The following STK3 variants were observed in gnomAD, a reference collection of about 807,000 sequenced individuals.
STK3 encodes serine/threonine kinase 3.
In STK3, 41 loss-of-function variants were observed where a neutral mutation model predicts 58.0. That is an observed-to-expected ratio of 0.71 (90% confidence interval 0.55 to 0.92). STK3 has a LOEUF of 0.92. Ranked by LOEUF, STK3 falls within the 40% of genes least tolerant of loss-of-function variation. The pLI is 0.00. For synonymous variants in STK3, 170 were observed against 191.0 expected (o/e 0.89, Z 0.91); for missense variants, 479 against 602.7 (o/e 0.79, Z 2.15).
intron 10 of STK3, among the ~76,000 whole-genome samples, chr8:98,503,469 C>T (rs1036903532): frequency 5.9e-5 from 9 of 152,022 alleles, no homozygotes; most frequent in African/African-American, 1.7e-4. Flanking sequence ...GCTCTTGCTT[C>T]TCTAGTTCTT....
chr8:98,890,256 T>C (rs1258333303), intron 1 of STK3, among the ~76,000 whole-genome samples: 1 of 152,300 alleles, frequency 6.6e-6, no homozygotes, highest in East Asian at 1.9e-4. Context: ...TTCTGATTCA[T>C]CCCAATTTCT....
chr8:98,549,057 C>G (rs1292082692), intron 8 of STK3, among the ~76,000 whole-genome samples: 1 of 152,136 alleles, frequency 6.6e-6, no homozygotes. Context: ...GTGAATAGTG[C>G]TAATGTGAAC....
At chr8:98,696,558 T>A in intron 6 of STK3, among the ~76,000 whole-genome samples, 1 of 152,344 alleles carries the variant, frequency 6.6e-6, no homozygotes, top group African/African-American at 2.4e-5. Context: ...GGAGAGTTTT[T>A]AGCATGAAGC....
chr8:98,663,350 T>C (rs964931235), intron 6 of STK3, among the ~76,000 whole-genome samples: 2 of 152,078 alleles, frequency 1.3e-5, no homozygotes, highest in African/African-American at 4.8e-5. Flanking sequence ...AGAATGGCAA[T>C]CATTAAAAAG....
At chr8:98,670,006 T>C (rs1188988605) in intron 6 of STK3, among the ~76,000 whole-genome samples, 1 of 152,220 alleles carries the variant, frequency 6.6e-6, no homozygotes, top group African/African-American at 2.4e-5. Flanking sequence ...TTAGATAACT[T>C]TTCAACCCTT....
chr8:98,859,383 C>T (rs1468027716), intron 3 of STK3, among the ~76,000 whole-genome samples: 1 of 152,140 alleles, frequency 6.6e-6, no homozygotes, highest in Non-Finnish European at 1.5e-5. Flanking sequence ...AAAGCGAAAA[C>T]AGCAGACAAT....
At chr8:98,403,554 C>T (rs1586549330) in intron 3 of STK3, among the ~76,000 whole-genome samples, 1 of 152,176 alleles carries the variant, frequency 6.6e-6, no homozygotes, top group East Asian at 1.9e-4. Context: ...ATCTCCCTAA[C>T]CCCAGGGCAA....
chr8:98,496,241 A>G (rs1823126028), intron 10 of STK3, among the ~76,000 whole-genome samples: 1 of 152,172 alleles, frequency 6.6e-6, no homozygotes, highest in Admixed American at 6.6e-5. Flanking sequence ...ATTTATGAAT[A>G]TGATCTTATA....
intron 3 of STK3, among the ~76,000 whole-genome samples, chr8:98,760,672 G>A (rs1421882639): frequency 1.3e-5 from 2 of 150,626 alleles, no homozygotes; most frequent in East Asian, 2.0e-4. Flanking sequence ...CCTATTTAAC[G>A]CCTTCAATCC....
chr8:98,757,551 C>T (rs1830366483), intron 3 of STK3, among the ~76,000 whole-genome samples: 1 of 147,408 alleles, frequency 6.8e-6, no homozygotes, highest in South Asian at 2.2e-4. Context: ...GCCGAGGTCG[C>T]GCCATTGCAT....
chr8:98,641,665 A>C (rs1820028442), intron 6 of STK3, among the ~76,000 whole-genome samples: 2 of 152,366 alleles, frequency 1.3e-5, no homozygotes, highest in Non-Finnish European at 1.5e-5. Context: ...AATCTAATCA[A>C]AGGCAAGAAA....
intron 10 of STK3, among the ~76,000 whole-genome samples, chr8:98,490,608 AT>A (rs35097983): frequency 6.6e-6 from 1 of 152,186 alleles, no homozygotes; most frequent in African/African-American, 2.4e-5. Flanking sequence ...TGTTTTGCTA[AT>A]TTTTTAAATC....
At chr8:98,903,466 A>G (rs1303663709) in intron 1 of STK3, among the ~76,000 whole-genome samples, 1 of 151,020 alleles carries the variant, frequency 6.6e-6, no homozygotes, top group African/African-American at 2.4e-5. Flanking sequence ...AAAAGCTTAT[A>G]TTTCCACTTC....
chr8:98,496,807 G>T (rs968077591), intron 10 of STK3, among the ~76,000 whole-genome samples: 7 of 152,044 alleles, frequency 4.6e-5, no homozygotes, highest in African/African-American at 1.7e-4. Context: ...GGTTGCCAGG[G>T]GCTGATGGGA....
rs566412551 is a variant in STK3, at chr8:98,473,616, CTT to C, written c.1318-17618_1318-17617del. Among the ~76,000 whole-genome samples, 11 of 152,284 alleles carry C rather than the reference CTT, an allele frequency of 7.2e-5. No individual in the cohort carries two copies. In the East Asian group the frequency reaches 1.7e-3, roughly 24 times the overall value. Reference sequence around the variant, plus strand: ...ATCCCCTAATGCTCTCCAAATTCCTCTTGTTAGGTCGCCAAAGTTAAATGAAT... The same window carrying C: ...ATCCCCTAATGCTCTCCAAATTCCTCGTTAGGTCGCCAAAGTTAAATGAAT... On this transcript the variant is annotated intron_variant, in intron 10 of 10. Transcript: ENST00000419617.
chr8:98,745,178 C>A (rs1205799700), intron 4 of STK3, among the ~76,000 whole-genome samples: 1 of 152,086 alleles, frequency 6.6e-6, no homozygotes, highest in Non-Finnish European at 1.5e-5. Flanking sequence ...ATATGTTTTA[C>A]CAAAAAAGCT....
intron 2 of STK3, among the ~76,000 whole-genome samples, chr8:98,435,150 A>G (rs143684823): frequency 6.9e-4 from 105 of 152,326 alleles, no homozygotes; most frequent in African/African-American, 2.3e-3. Flanking sequence ...AAGAGGAATA[A>G]CTATTTCCTT....
At chr8:98,586,419 A>G (rs1814601171) in intron 7 of STK3, among the ~76,000 whole-genome samples, 1 of 150,858 alleles carries the variant, frequency 6.6e-6, no homozygotes, top group African/African-American at 2.4e-5. Context: ...GCATATATTG[A>G]ACCAGCCTTG....
chr8:98,578,003 A>G (rs1200433181), intron 8 of STK3, among the ~76,000 whole-genome samples: 1 of 152,178 alleles, frequency 6.6e-6, no homozygotes, highest in East Asian at 1.9e-4. Flanking sequence ...CAGCGAAGGA[A>G]AGAAAAATAG....
Sources: allele counts gnomAD v4.1 joint callset (sites outside exome capture counted in the v4.1 genomes callset), GRCh38; gene constraint gnomAD v4.1.1; transcripts MANE v1.5; gene names NCBI Gene and HGNC (gene_info 2026-07-23, HGNC 2026-07-21).